SERINC5: variants seen among roughly 807,000 people sequenced by gnomAD.
SERINC5 encodes chromosome 5 open reading frame 12.
In SERINC5, 41 loss-of-function variants were observed where a neutral mutation model predicts 63.1. The ratio of observed to expected loss-of-function variants is 0.65; its 90% CI spans 0.51 to 0.84. SERINC5 has a LOEUF of 0.84. SERINC5 is among the 40% of genes least tolerant of loss of function. The pLI is 0.00. For synonymous variants in SERINC5, 222 were observed against 215.2 expected, an observed-to-expected ratio of 1.03 and a Z score of -0.28; for missense variants, 523 against 573.0, an observed-to-expected ratio of 0.91 and a Z score of 0.89.
chr5:80,251,333 T>C (rs1290118214), intron 1 of SERINC5, among the ~76,000 whole-genome samples: 1 of 150,180 alleles, frequency 6.7e-6, no homozygotes, highest in Non-Finnish European at 1.5e-5. Context: ...CATACATACA[T>C]ACATGGGTTT....
intron 2 of SERINC5, among the ~76,000 whole-genome samples, chr5:80,182,671 G>C (rs570167331): frequency 8.6e-5 from 13 of 151,406 alleles, no homozygotes; most frequent in African/African-American, 3.1e-4. Flanking sequence ...TCAGCCTCCA[G>C]AGTAGCTGGG....
At chr5:80,244,097 A>G (rs1161738519) in intron 1 of SERINC5, among the ~76,000 whole-genome samples, 1 of 152,018 alleles carries the variant, frequency 6.6e-6, no homozygotes, top group Admixed American at 6.6e-5. Flanking sequence ...TAGGCTCTTA[A>G]TCTGTGCTTC....
At position 80,220,198 on chromosome 5, in the gene SERINC5, ACT is replaced by A. The variant is rs1394439890; in HGVS notation, c.28-17147_28-17146del. On this transcript the variant is annotated intron_variant, in intron 1 of 11. Transcript: ENST00000507668. The stretch of plus-strand genomic sequence containing the variant: ...ACTCCAGCCTGGGCGACAGAGCAAG[ACT>A]CTGTCTCAATAAATAAAAATAAAAA... Among the ~76,000 whole-genome samples, 7 of 147,148 alleles carry A rather than the reference ACT, an allele frequency of 4.8e-5. No homozygotes were observed. In the East Asian group the frequency reaches 8.0e-4, roughly 17 times the overall value.
chr5:80,227,771 C>T (rs1053661652), intron 1 of SERINC5, among the ~76,000 whole-genome samples: 2 of 152,148 alleles, frequency 1.3e-5, no homozygotes, highest in Non-Finnish European at 2.9e-5. Context: ...ATCGCTTGAA[C>T]CCGGAAAGCA....
At position 80,119,568 on chromosome 5, in the gene SERINC5, C is replaced by T. The variant is rs551969780; in HGVS notation, c.1239-5943G>A. Among the ~76,000 whole-genome samples, 16 of 152,334 alleles carry T rather than the reference C, an allele frequency of 1.1e-4. No homozygotes were observed. The South Asian group carries it at 2.9e-3, about 28-fold the overall frequency. On this transcript the variant is annotated intron_variant, in intron 11 of 12. Coordinates refer to the SERINC5 transcript ENST00000509193. ...CTATTCTTTGAATCCCTCCACATGA[C>T]GCCATTCCTACAGATGGAAGGTCAG...
In SERINC5 at chr5:80,132,324, C is replaced by CTGGA. The variant is rs148917206; in HGVS notation, c.1238+13765_1238+13766insTCCA. ...GACCCCCTCCTGCTTCTGTAAGGAA[C>CTGGA]TCCAGGTCTGGGTTAATCACAAACT... On this transcript the variant is annotated intron_variant, in intron 11 of 12. Coordinates refer to the SERINC5 transcript ENST00000509193. Among the ~76,000 whole-genome samples the CTGGA allele has an allele frequency of 9.2e-3, 1,397 of 152,324 alleles. 25 individuals are homozygous for CTGGA. Among genetic ancestry groups the CTGGA allele is most frequent in the African/African-American group, 0.032 (1,334 of 41,572 alleles).
chr5:80,198,910 C>T (rs909168618), intron 2 of SERINC5, among the ~76,000 whole-genome samples: 1 of 152,330 alleles, frequency 6.6e-6, no homozygotes, highest in East Asian at 1.9e-4. Flanking sequence ...ACAAGAGCCT[C>T]TGTGAGGGAC....
intron 11 of SERINC5, among the ~76,000 whole-genome samples, chr5:80,122,990 T>C (rs1225944360): frequency 3.3e-5 from 5 of 152,274 alleles, no homozygotes; most frequent in African/African-American, 1.2e-4. Context: ...CAAGCCTGCC[T>C]GGACTTCTGA....
At chr5:80,174,397 A>AATG (rs1747881197) in intron 5 of SERINC5, among the ~76,000 whole-genome samples, 1 of 143,508 alleles carries the variant, frequency 7.0e-6, no homozygotes, top group Non-Finnish European at 1.5e-5. Flanking sequence ...TAATAATAAT[A>AATG]ATAATAAAAG....
chr5:80,169,253 A>T, intron 6 of SERINC5, 82 bp downstream of exon 6: 1 of 1,225,450 alleles, frequency 8.2e-7, no homozygotes, highest in Non-Finnish European at 1.2e-6. Flanking sequence ...AACAAACAAA[A>T]CAAAACAAAA....
chr5:80,174,399 TAATAAAAG>T (rs1561394566), intron 5 of SERINC5, among the ~76,000 whole-genome samples: 2 of 142,820 alleles, frequency 1.4e-5, no homozygotes, highest in Admixed American at 7.1e-5. Flanking sequence ...ATAATAATAA[TAATAAAAG>T]AAAAAGAAAA....
intron 1 of SERINC5, among the ~76,000 whole-genome samples, chr5:80,211,382 T>C (rs1461926250): frequency 1.0e-5 from 1 of 99,004 alleles, no homozygotes; most frequent in South Asian, 2.8e-4. Context: ...CCCGAGTCTC[T>C]TGCCTGAATC....
chr5:80,255,748 G>A (rs914571327), intron 1 of SERINC5, 148 bp downstream of exon 1: 3 of 724,554 alleles, frequency 4.1e-6, no homozygotes, highest in African/African-American at 3.8e-5. Context: ...CCGGACGGCT[G>A]AGCGCCGCGG....
intron 8 of SERINC5, chr5:80,157,935 A>G (rs1278132975): frequency 6.6e-6 from 1 of 152,234 alleles, no homozygotes; most frequent in African/African-American, 2.4e-5. Context: ...AGGAGGTAAG[A>G]GAAAATGCCA....
intron 8 of SERINC5, 100 bp from the exon 9 acceptor site, chr5:80,151,048 A>G (rs1001702034): frequency 1.8e-5 from 15 of 830,792 alleles, no homozygotes; most frequent in South Asian, 2.7e-5. Context: ...GAGAGCCTCA[A>G]TGTAACCTAC....
At chr5:80,136,348 GA>G (rs2112268027), downstream of SERINC5, among the ~76,000 whole-genome samples, 1 of 152,260 alleles carries the variant, frequency 6.6e-6, no homozygotes, top group East Asian at 1.9e-4. Context: ...ATAAGGGCAG[GA>G]AAAAGGAAGT....
At chr5:80,253,539 A>C (rs1422343739) in intron 1 of SERINC5, among the ~76,000 whole-genome samples, 2 of 152,068 alleles carry the variant, frequency 1.3e-5, no homozygotes, top group Non-Finnish European at 2.9e-5. Context: ...CTGCAACCAG[A>C]ATTAAATCCA....
intron 1 of SERINC5, among the ~76,000 whole-genome samples, chr5:80,212,485 G>C (rs1035435212): frequency 7.2e-5 from 11 of 152,118 alleles, no homozygotes; most frequent in African/African-American, 2.7e-4. Context: ...GGTTACCTTT[G>C]AGTCAACTGT....
intron 1 of SERINC5, among the ~76,000 whole-genome samples, chr5:80,249,174 G>A (rs1580222471): frequency 1.3e-5 from 2 of 152,240 alleles, no homozygotes; most frequent in South Asian, 4.2e-4. Flanking sequence ...AATTAGCCGG[G>A]CGTGGTGATG....
Sources: allele counts gnomAD v4.1 joint callset (sites outside exome capture counted in the v4.1 genomes callset), GRCh38; gene constraint gnomAD v4.1.1; transcripts MANE v1.5; gene names NCBI Gene and HGNC (gene_info 2026-07-23, HGNC 2026-07-21).